The following ELAVL3 variants were observed in gnomAD, a reference collection of about 807,000 sequenced individuals.
The protein encoded by ELAVL3 is ELAV like RNA binding protein 3, also known as ELAV-like protein 3.
A neutral mutation model predicts 34.2 loss-of-function variants in ELAVL3; 8 were observed. The ratio of observed to expected loss-of-function variants is 0.23; its 90% CI spans 0.14 to 0.42. The LOEUF (loss-of-function observed/expected upper bound fraction) is 0.42, where lower values mean the gene tolerates loss of function less well. ELAVL3 is among the 10% of genes least tolerant of loss of function. The pLI is 1.00. For missense variants in ELAVL3, 273 were observed against 518.8 expected (o/e 0.53, Z 4.60); for synonymous variants, 209 against 222.1 (o/e 0.94, Z 0.53).
At chr19:11,475,779 A>T (rs1440355236) in intron 1 of ELAVL3, among the ~76,000 whole-genome samples, 1 of 151,976 alleles carries the variant, frequency 6.6e-6, no homozygotes, top group African/African-American at 2.4e-5. Context: ...ATGCACAGTG[A>T]ATTTTTTGTA....
chr19:11,473,102 AC>A, intron 1 of ELAVL3, among the ~76,000 whole-genome samples: 1 of 151,512 alleles, frequency 6.6e-6, no homozygotes, highest in Non-Finnish European at 1.5e-5. Flanking sequence ...GCGGTGGCTC[AC>A]ACCTGTAATC....
chr19:11,457,300 C>A, intron 5 of ELAVL3, 152 bp from the exon 6 acceptor site: 2 of 843,826 alleles, frequency 2.4e-6, no homozygotes, highest in Non-Finnish European at 3.5e-6. Context: ...CTAGACACTG[C>A]CTGGCACGGA....
Position 11,480,689 on chromosome 19 carries a change from C to G in ELAVL3, c.-81G>C. The stretch of plus-strand genomic sequence containing the variant: ...CTCCTAGGGGGGCGCCCGATGCTCA[C>G]GCTGGGGTCCCGCCCGGGCGGCCTC... On this transcript the variant is annotated 5_prime_UTR_variant, in exon 1 of 7. Transcript: ENST00000359227. The surrounding 1 kb of genome is among the most constrained non-coding windows in gnomAD (Gnocchi z 6.8). The G allele has an allele frequency of 1.5e-6, 2 of 1,297,510 alleles. No homozygotes were observed. Among genetic ancestry groups the G allele is most frequent in the Non-Finnish European group, 1.0e-6 (1 of 997,020 alleles). The allele number at this position is 1,297,510 out of a possible 1,614,324, so 80.4% of individuals were successfully genotyped here. A position where few individuals can be genotyped will look rare whatever the true frequency, so the allele number is the denominator to read the frequency against.
At chr19:11,472,461 G>A (rs1250640330) in intron 1 of ELAVL3, among the ~76,000 whole-genome samples, 1 of 152,206 alleles carries the variant, frequency 6.6e-6, no homozygotes, top group Non-Finnish European at 1.5e-5. Context: ...AGTACTTTGG[G>A]AGGCCGAGGT....
Position 11,466,652 on chromosome 19 carries a change from A to G in ELAVL3, c.185T>C (p.Ile62Thr). The stretch of plus-strand genomic sequence containing the variant: ...CAACTTGCAGGACTCGATGTCGCCA[A>G]TGCTGCCGAAGAGACTCTTGAACTC... ...QDEFKSLFGSIGDIESCKLVR... is the reference protein window; with the variant it reads ...QDEFKSLFGSTGDIESCKLVR... The change falls in exon 2 of 7, where the codon ATT becomes ACT. Residue 62 changes from isoleucine (I) to threonine (T), a missense_variant. By Grantham distance (89) the Ile-to-Thr change is moderately conservative. Coordinates refer to ENST00000359227, the MANE Select transcript of ELAVL3 (RefSeq NM_001420.4). The surrounding 1 kb of genome is among the most constrained non-coding windows in gnomAD (Gnocchi z 5.0). 1.2e-6 allele frequency: 2 copies of G among 1,614,198 alleles called. No homozygotes were observed. Among genetic ancestry groups the G allele is most frequent in the Non-Finnish European group, 1.7e-6 (2 of 1,180,036 alleles).
rs918275695 is a variant in ELAVL3 at position 11,480,666 on chromosome 19, C to T, written c.-58G>A. On this transcript the variant is annotated 5_prime_UTR_variant, in exon 1 of 7. Coordinates refer to ENST00000359227, the MANE Select transcript of ELAVL3 (RefSeq NM_001420.4). This position sits in a 1 kb window ranked among gnomAD's most constrained non-coding sequence, Gnocchi z 6.8. Reference sequence around the variant, plus strand: ...AGGGGGGCTCCGGGGGTGGTGCACTCCTAGGGGGGCGCCCGATGCTCACGC... The same window carrying T: ...AGGGGGGCTCCGGGGGTGGTGCACTTCTAGGGGGGCGCCCGATGCTCACGC... 4 of 1,361,930 alleles carry T rather than the reference C, an allele frequency of 2.9e-6. No homozygotes were observed. The highest frequency in any genetic ancestry group is 3.8e-6 in the Non-Finnish European group (4 of 1,045,882). The allele number at this position is 1,361,930 out of a possible 1,614,324, so 84.4% of individuals were successfully genotyped here.
At chr19:11,464,975 CAT>C (rs1271675089) in intron 3 of ELAVL3, among the ~76,000 whole-genome samples, 2 of 131,132 alleles carry the variant, frequency 1.5e-5, no homozygotes, top group African/African-American at 5.9e-5. Flanking sequence ...CAGACACACA[CAT>C]ACACCACACA....
rs764853393 is a variant in ELAVL3 at position 11,458,452 on chromosome 19, C to T, written c.487+6G>A. 30 of 1,613,928 alleles carry T rather than the reference C, an allele frequency of 1.9e-5. No individual in the cohort carries two copies. The African/African-American group carries it at 3.9e-4, about 21-fold the overall frequency. On this transcript the variant is annotated splice_donor_region_variant and intron_variant, in intron 4 of 6. Transcript: ENST00000359227. The surrounding 1 kb of genome is among the most constrained non-coding windows in gnomAD (Gnocchi z 7.3). ...CCGCCAGGTGCACCCTCCCTGACTG[C>T]CTGACCTGTGACCTGGTCCACCAGG...
rs747153913 is a variant in ELAVL3 at position 11,454,583 on chromosome 19, G to A, written c.1047C>T (p.Arg349=). ...AMAIASLNGY[R]LGERVLQVSF... is the part of the protein sequence containing the mutation. ...AGACCTGCAGCACGCGCTCGCCCAG[G>A]CGATAGCCGTTCAGGCTGGCGATGG... The change falls in exon 7 of 7, where the codon CGC becomes CGT. Residue 349 remains arginine (R), a synonymous_variant. Coordinates refer to ENST00000359227, the MANE Select transcript of ELAVL3 (RefSeq NM_001420.4). The surrounding 1 kb of genome is among the most constrained non-coding windows in gnomAD (Gnocchi z 9.2). The A allele has an allele frequency of 6.2e-7, 1 of 1,614,182 alleles. No individual in the cohort carries two copies. The highest frequency in any genetic ancestry group is 8.5e-7 in the Non-Finnish European group (1 of 1,180,000).
chr19:11,457,308 G>A (rs982443563), intron 5 of ELAVL3, among the ~76,000 whole-genome samples, 160 bp from the exon 6 acceptor site: 2 of 144,958 alleles, frequency 1.4e-5, no homozygotes, highest in Non-Finnish European at 3.0e-5. Context: ...TGCCTGGCAC[G>A]GAACCGTGGT....
intron 3 of ELAVL3, among the ~76,000 whole-genome samples, chr19:11,460,385 C>T (rs760735776): frequency 6.6e-6 from 1 of 150,432 alleles, no homozygotes; most frequent in African/African-American, 2.5e-5. Context: ...AGCCAGAGGG[C>T]GCCTGTGAAC....
chr19:11,467,562 C>A (rs1163966894), intron 1 of ELAVL3, among the ~76,000 whole-genome samples: 1 of 151,642 alleles, frequency 6.6e-6, no homozygotes, highest in Non-Finnish European at 1.5e-5. Flanking sequence ...CGGCTTGCTG[C>A]AACCTCCGCC....
At chr19:11,465,309 A>C (rs536777769) in intron 3 of ELAVL3, among the ~76,000 whole-genome samples, 7 of 146,732 alleles carry the variant, frequency 4.8e-5, no homozygotes, top group African/African-American at 7.5e-5. Context: ...CACACACACC[A>C]CACACATACA....
intron 1 of ELAVL3, among the ~76,000 whole-genome samples, chr19:11,479,553 G>A (rs1568389167): frequency 6.6e-6 from 1 of 151,918 alleles, no homozygotes; most frequent in Non-Finnish European, 1.5e-5. Context: ...GGTGGAGCCG[G>A]GGTGGGGCTA....
chr19:11,477,680 G>C (rs1971287177), intron 1 of ELAVL3, among the ~76,000 whole-genome samples: 1 of 150,420 alleles, frequency 6.6e-6, no homozygotes, highest in Non-Finnish European at 1.5e-5. Flanking sequence ...TTCTGGACAT[G>C]CTAGATCCCT....
At chr19:11,473,001 A>G (rs1971195314) in intron 1 of ELAVL3, among the ~76,000 whole-genome samples, 1 of 151,752 alleles carries the variant, frequency 6.6e-6, no homozygotes, top group African/African-American at 2.4e-5. Context: ...CGGGAGGTGG[A>G]GATTGCAGTG....
At chr19:11,476,012 G>T (rs1245797561) in intron 1 of ELAVL3, among the ~76,000 whole-genome samples, 1 of 152,180 alleles carries the variant, frequency 6.6e-6, no homozygotes, top group Non-Finnish European at 1.5e-5. Context: ...GGACTACTCT[G>T]AAGACACATC....
chr19:11,474,995 A>C (rs761723018), intron 1 of ELAVL3, among the ~76,000 whole-genome samples: 1 of 151,914 alleles, frequency 6.6e-6, no homozygotes, highest in Non-Finnish European at 1.5e-5. Flanking sequence ...CGCCTGGCTA[A>C]TTTTTTGTAT....
chr19:11,470,458 G>A (rs1490172752), intron 1 of ELAVL3, among the ~76,000 whole-genome samples: 1 of 151,494 alleles, frequency 6.6e-6, no homozygotes, highest in African/African-American at 2.4e-5. Context: ...CTGAGGTCGG[G>A]AGTTCGAGAC....
Sources: allele counts gnomAD v4.1 joint callset (sites outside exome capture counted in the v4.1 genomes callset), GRCh38; gene constraint gnomAD v4.1.1; non-coding constraint Gnocchi (gnomAD v3.1); transcripts MANE v1.5; gene names NCBI Gene and HGNC (gene_info 2026-07-23, HGNC 2026-07-21).